Variants in ERC1 observed in about 807,000 individuals in gnomAD.
ERC1 encodes ELKS/RAB6-interacting/CAST family member 1, also known as RAB6 interacting protein 2.
A neutral mutation model predicts 132.0 loss-of-function variants in ERC1; 56 were observed. The observed-to-expected ratio is 0.42, with a 90% CI of 0.34 to 0.53. The LOEUF is 0.53. Among genes scored for constraint, ERC1 ranks in the 20% least tolerant of loss-of-function variants. The probability of loss-of-function intolerance (pLI) is 0.03; values close to 1 mark genes in which losing one functional copy is unlikely to be tolerated. For missense variants in ERC1, 1,202 were observed against 1,349.9 expected (o/e 0.89, Z 1.72); for synonymous variants, 478 against 476.1 (o/e 1.00, Z -0.05).
intron 12 of ERC1, among the ~76,000 whole-genome samples, chr12:1,214,073 G>A (rs1335556196): frequency 1.3e-5 from 2 of 152,160 alleles, no homozygotes; most frequent in Admixed American, 6.5e-5. Flanking sequence ...GTTAACCATG[G>A]TAATAGAATC....
chr12:1,220,679 A>C (rs1958893465), intron 12 of ERC1, among the ~76,000 whole-genome samples: 1 of 152,266 alleles, frequency 6.6e-6, no homozygotes, highest in Admixed American at 6.5e-5. Context: ...CTGCAAGCTA[A>C]GAATGGGTTT....
intron 10 of ERC1, among the ~76,000 whole-genome samples, chr12:1,182,838 AT>A (rs11365396): frequency 0.21 from 31,777 of 151,192 alleles, 7,047 homozygotes; most frequent in African/African-American, 0.56. Context: ...AGTTAAAAAA[AT>A]TTTTTTTTGT....
intron 6 of ERC1, among the ~76,000 whole-genome samples, chr12:1,113,251 G>A (rs968285832): frequency 1.3e-5 from 2 of 152,160 alleles, no homozygotes; most frequent in African/African-American, 2.4e-5. Context: ...CATGGATACC[G>A]AGGGATGGCT....
intron 17 of ERC1, among the ~76,000 whole-genome samples, chr12:1,421,314 T>C (rs2092419296): frequency 6.6e-6 from 1 of 152,110 alleles, no homozygotes; most frequent in South Asian, 2.1e-4. Flanking sequence ...AGAGAAAGGG[T>C]TTAATTATCT....
intron 18 of ERC1, among the ~76,000 whole-genome samples, chr12:1,474,081 C>T (rs1339191147): frequency 2.0e-5 from 3 of 152,308 alleles, no homozygotes; most frequent in Middle Eastern, 6.8e-3. Context: ...CCTAAGAAGC[C>T]TGCAGATTCA....
chr12:1,160,299 T>C (rs1156609504), intron 8 of ERC1, among the ~76,000 whole-genome samples: 3 of 152,244 alleles, frequency 2.0e-5, no homozygotes, highest in Non-Finnish European at 2.9e-5. Flanking sequence ...CAGATTGATA[T>C]ATCCATCACA....
chr12:1,018,703 G>A, intron 1 of ERC1, among the ~76,000 whole-genome samples: 1 of 152,188 alleles, frequency 6.6e-6, no homozygotes, highest in African/African-American at 2.4e-5. Flanking sequence ...GTGGATTTAG[G>A]TTAATTGTGG....
In ERC1 at chr12:1,371,911, G is replaced by C; in HGVS notation, c.2859G>C (p.Lys953Asn). The stretch of plus-strand genomic sequence containing the variant: ...TGGAGCTTTCGTCCTCTAAGAAGAA[G>C]ACCCAAGAGGAAGTGGCTGCCCTGA... Reference protein sequence around the residue: ...ALLELSSSKKKTQEEVAALKR... With the variant: ...ALLELSSSKKNTQEEVAALKR... The change falls in exon 16 of 19, where the codon AAG (lysine) becomes AAC (asparagine). Residue 953 changes from lysine (K) to asparagine (N), a missense_variant. Physicochemically the swap from Lys to Asn is moderately conservative, Grantham distance 94 (BLOSUM62 0). Transcript: ENST00000360905. The C allele has an allele frequency of 6.2e-7, 1 of 1,614,156 alleles. No homozygotes were observed. The highest frequency in any genetic ancestry group is 8.5e-7 in the Non-Finnish European group (1 of 1,180,030).
intron 3 of ERC1, among the ~76,000 whole-genome samples, chr12:1,101,367 C>T (rs1002582539): frequency 3.9e-5 from 6 of 152,178 alleles, no homozygotes; most frequent in Middle Eastern, 3.2e-3. Context: ...TGCTGCGTGG[C>T]ACAGGCATGT....
chr12:1,261,656 C>T (rs1011753748), intron 13 of ERC1, among the ~76,000 whole-genome samples: 6 of 150,818 alleles, frequency 4.0e-5, no homozygotes, highest in East Asian at 1.9e-4. Flanking sequence ...CAACAAACAA[C>T]GTTTGTTTTC....
chr12:1,168,297 G>C (rs11061655), intron 8 of ERC1, among the ~76,000 whole-genome samples: 10,783 of 151,720 alleles, frequency 0.071, 1,300 homozygotes, highest in African/African-American at 0.25. Context: ...ACTGTTAATA[G>C]TTTTTGTAGT....
At chr12:1,124,561 TAAG>T (rs1947933318) in intron 7 of ERC1, among the ~76,000 whole-genome samples, 1 of 151,442 alleles carries the variant, frequency 6.6e-6, no homozygotes, top group Admixed American at 6.6e-5. Flanking sequence ...TATCAGAAAA[TAAG>T]AAAGAAAAGC....
At chr12:1,420,923 G>GC (rs1400965542) in intron 17 of ERC1, among the ~76,000 whole-genome samples, 2 of 143,260 alleles carry the variant, frequency 1.4e-5, no homozygotes, top group African/African-American at 5.2e-5. Context: ...TTGGTTTGGG[G>GC]GGGGGGGGGG....
At chr12:1,032,954 C>T (rs1230398800) in intron 2 of ERC1, among the ~76,000 whole-genome samples, 1 of 151,610 alleles carries the variant, frequency 6.6e-6, no homozygotes, top group Non-Finnish European at 1.5e-5. Flanking sequence ...CTCACTGCAA[C>T]CTCCATCTCC....
chr12:1,484,448 G>C (rs1372869053), intron 18 of ERC1, among the ~76,000 whole-genome samples: 1 of 152,142 alleles, frequency 6.6e-6, no homozygotes, highest in African/African-American at 2.4e-5. Context: ...ATTAAATTTG[G>C]CTGATGAGAC....
intron 17 of ERC1, among the ~76,000 whole-genome samples, chr12:1,418,597 T>C (rs1158559051): frequency 4.6e-5 from 1 of 21,814 alleles, no homozygotes. Flanking sequence ...TTCTCTTTCT[T>C]TCTTTCTTTC....
intron 17 of ERC1, among the ~76,000 whole-genome samples, chr12:1,420,919 T>TGG (rs57475289): frequency 1.8e-4 from 18 of 99,814 alleles, no homozygotes; most frequent in South Asian, 4.2e-4. Flanking sequence ...GGTTTTGGTT[T>TGG]GGGGGGGGGG....
intron 4 of ERC1, among the ~76,000 whole-genome samples, chr12:1,107,754 G>T (rs1945417143): frequency 6.6e-6 from 1 of 152,324 alleles, no homozygotes; most frequent in Middle Eastern, 3.4e-3. Flanking sequence ...GTGAAAAGGA[G>T]TATGAGCTTT....
At chr12:1,412,722 C>G (rs2091914400) in intron 17 of ERC1, among the ~76,000 whole-genome samples, 1 of 151,918 alleles carries the variant, frequency 6.6e-6, no homozygotes, top group Admixed American at 6.6e-5. Flanking sequence ...TTCCTTTATC[C>G]AAAAAATGGG....
Sources: gnomAD v4.1 joint callset for allele counts (sites outside exome capture counted in the v4.1 genomes callset) on GRCh38, gnomAD v4.1.1 for gene constraint, MANE v1.5 for transcripts, NCBI Gene and HGNC (gene_info 2026-07-23, HGNC 2026-07-21) for gene names.